The following PPP1R13B variants were observed in gnomAD, a reference collection of about 807,000 sequenced individuals.
PPP1R13B encodes protein phosphatase 1 regulatory subunit 13B.
Under a neutral mutation model 119.8 loss-of-function variants are expected in PPP1R13B, and 44 were observed. The ratio of observed to expected loss-of-function variants is 0.37; its 90% CI spans 0.29 to 0.47. The LOEUF is 0.47. Ranked by LOEUF, PPP1R13B falls within the 20% of genes least tolerant of loss-of-function variation. The pLI, the probability that PPP1R13B is intolerant of heterozygous loss-of-function variation, is 0.99. For missense variants in PPP1R13B, 1,227 were observed against 1,413.5 expected (o/e 0.87, Z 2.12); for synonymous variants, 542 against 561.5 (o/e 0.97, Z 0.49).
intron 1 of PPP1R13B, among the ~76,000 whole-genome samples, chr14:103,836,612 T>G (rs2086784726): frequency 6.6e-6 from 1 of 150,802 alleles, no homozygotes; most frequent in Admixed American, 6.6e-5. Flanking sequence ...CTACTAAAGA[T>G]AAAAAAAATT....
At chr14:103,786,762 G>T (rs2085472312) in intron 2 of PPP1R13B, among the ~76,000 whole-genome samples, 1 of 48,310 alleles carries the variant, frequency 2.1e-5, no homozygotes, top group Non-Finnish European at 3.6e-5. Flanking sequence ...AGAAAACTCT[G>T]TCTCAAAAAA....
At chr14:103,751,918 G>T (rs751167916) in intron 7 of PPP1R13B, among the ~76,000 whole-genome samples, 3 of 152,080 alleles carry the variant, frequency 2.0e-5, no homozygotes, top group Non-Finnish European at 4.4e-5. Flanking sequence ...TTACACAAAG[G>T]CCTTAAAATA....
intron 1 of PPP1R13B, among the ~76,000 whole-genome samples, chr14:103,802,596 G>A (rs768877858): frequency 3.1e-4 from 47 of 152,250 alleles, no homozygotes; most frequent in Admixed American, 1.3e-3. Flanking sequence ...AATATAGCAC[G>A]CGTAAAGCAG....
chr14:103,754,334 G>A, intron 5 of PPP1R13B, 90 bp from the exon 6 acceptor site: 2 of 1,284,880 alleles, frequency 1.6e-6, no homozygotes, highest in Non-Finnish European at 2.1e-6. Context: ...AGAGGCTGAG[G>A]TAGGTGGATC....
At chr14:103,776,393 A>C (rs529767143) in intron 4 of PPP1R13B, among the ~76,000 whole-genome samples, 11 of 152,312 alleles carry the variant, frequency 7.2e-5, no homozygotes, top group Middle Eastern at 3.4e-3. Context: ...ATAAGTTGGG[A>C]AGTAGAGAGG....
chr14:103,765,169 T>C (rs910317342), intron 4 of PPP1R13B, among the ~76,000 whole-genome samples: 1 of 152,232 alleles, frequency 6.6e-6, no homozygotes, highest in African/African-American at 2.4e-5. Flanking sequence ...CTGAGGTGTT[T>C]GTCACATTTT....
chr14:103,836,631 G>A (rs1470975856), intron 1 of PPP1R13B, among the ~76,000 whole-genome samples: 4 of 151,876 alleles, frequency 2.6e-5, no homozygotes, highest in African/African-American at 7.2e-5. Flanking sequence ...TTAGCTGGGC[G>A]TGGTGGCACG....
At chr14:103,832,616 A>G (rs920352444) in intron 1 of PPP1R13B, among the ~76,000 whole-genome samples, 5 of 152,210 alleles carry the variant, frequency 3.3e-5, no homozygotes, top group African/African-American at 1.2e-4. Context: ...AACTCCAGAC[A>G]CTTAAAGGTA....
Position 103,749,763 on chromosome 14 carries a change from T to C in PPP1R13B, c.969+31A>G, listed in dbSNP as rs201846795. The C allele has an allele frequency of 3.4e-3, 5,399 of 1,604,836 alleles. 17 individuals carry two copies. Among genetic ancestry groups the C allele is most frequent in the Middle Eastern group, 3.8e-3 (23 of 6,034 alleles). ...CAATGCTTGGATAAACTATCTTTAG[T>C]AGTTTATCTCACAAAAACTTTTTCA... On this transcript the variant is annotated intron_variant, in intron 8 of 16. Transcript: ENST00000202556.
intron 4 of PPP1R13B, among the ~76,000 whole-genome samples, chr14:103,765,824 TGG>T (rs2084924157): frequency 6.6e-6 from 1 of 152,082 alleles, no homozygotes; most frequent in South Asian, 2.1e-4. Context: ...CTTTCAGAGA[TGG>T]GAAGAACTCA....
chr14:103,821,838 G>C (rs1022879621), intron 1 of PPP1R13B, among the ~76,000 whole-genome samples: 2 of 151,644 alleles, frequency 1.3e-5, no homozygotes, highest in African/African-American at 4.8e-5. Flanking sequence ...AACATAAGAG[G>C]GCTCCATAAA....
chr14:103,814,512 A>C (rs1027249634), intron 1 of PPP1R13B, among the ~76,000 whole-genome samples: 1 of 152,196 alleles, frequency 6.6e-6, no homozygotes, highest in African/African-American at 2.4e-5. Context: ...AGGCAGTAAA[A>C]GTTTCAATGG....
chr14:103,805,463 C>T (rs1401751563), intron 1 of PPP1R13B, among the ~76,000 whole-genome samples: 1 of 151,958 alleles, frequency 6.6e-6, no homozygotes, highest in Non-Finnish European at 1.5e-5. Context: ...CCCAGCTACT[C>T]AGGAAGCCTA....
intron 1 of PPP1R13B, among the ~76,000 whole-genome samples, chr14:103,821,285 A>G (rs1023124888): frequency 5.9e-5 from 9 of 152,198 alleles, no homozygotes; most frequent in African/African-American, 2.2e-4. Context: ...GACATACCAT[A>G]TTCTCTCAAA....
At chr14:103,826,173 G>A (rs1435972409) in intron 1 of PPP1R13B, among the ~76,000 whole-genome samples, 5 of 152,116 alleles carry the variant, frequency 3.3e-5, no homozygotes, top group East Asian at 1.9e-4. Flanking sequence ...CACCACACTC[G>A]GCCAAACATA....
chr14:103,811,762 G>A (rs1436496971), intron 1 of PPP1R13B, among the ~76,000 whole-genome samples: 1 of 151,316 alleles, frequency 6.6e-6, no homozygotes, highest in South Asian at 2.1e-4. Flanking sequence ...ATGGAGTCTC[G>A]CTCTGTCACC....
At chr14:103,825,906 G>A (rs528533800) in intron 1 of PPP1R13B, among the ~76,000 whole-genome samples, 118 of 150,990 alleles carry the variant, frequency 7.8e-4, no homozygotes, top group Non-Finnish European at 1.6e-3. Context: ...GTACAGTGGC[G>A]CAATCTTGGC....
At chr14:103,735,445 G>A (rs1003174728) in intron 16 of PPP1R13B, among the ~76,000 whole-genome samples, 1 of 152,174 alleles carries the variant, frequency 6.6e-6, no homozygotes, top group Non-Finnish European at 1.5e-5. Flanking sequence ...GACTGCCTGT[G>A]GCTCTCAAGG....
chr14:103,740,586 A>C lies in PPP1R13B; in HGVS notation c.1830T>G (p.Gly610=). 6.6e-7 allele frequency: 1 copy of C among 1,522,486 alleles called. No homozygotes were observed. The highest frequency in any genetic ancestry group is 1.3e-5 in the South Asian group (1 of 78,716). 94.3% of individuals were successfully genotyped at this position (1,522,486 alleles called of 1,614,324 possible). The part of the protein sequence containing the change: ...ALNKSVKAVY[G]KPVLPSGSTS... ...TTGAACCCGAAGGTAAAACGGGCTTACCATACACTGGGGAAGACACAAAGG... is the reference window on the plus strand; with the variant it reads ...TTGAACCCGAAGGTAAAACGGGCTTCCCATACACTGGGGAAGACACAAAGG... Residue 610 remains glycine, a synonymous_variant, in exon 12 of 17, where the codon GGT becomes GGG. Coordinates refer to ENST00000202556, the MANE Select transcript of PPP1R13B (RefSeq NM_015316.3). The surrounding 1 kb of genome is among the most constrained non-coding windows in gnomAD (Gnocchi z 4.6).
Sources: gnomAD v4.1 joint callset for allele counts (sites outside exome capture counted in the v4.1 genomes callset) on GRCh38, gnomAD v4.1.1 for gene constraint, Gnocchi (gnomAD v3.1) non-coding constraint, MANE v1.5 for transcripts, NCBI Gene and HGNC (gene_info 2026-07-23, HGNC 2026-07-21) for gene names.